Variants in DCDC2 observed in about 807,000 individuals in gnomAD.
DCDC2 encodes doublecortin domain containing 2, also known as doublecortin domain-containing protein 2.
Under a neutral mutation model 50.2 loss-of-function variants are expected in DCDC2, and 40 were observed. The ratio of observed to expected loss-of-function variants is 0.80; its 90% CI spans 0.62 to 1.04. The LOEUF (loss-of-function observed/expected upper bound fraction) is 1.04, where lower values mean the gene tolerates loss of function less well. Among genes scored for constraint, DCDC2 ranks in the 50% least tolerant of loss-of-function variants. The pLI is 0.00. For missense variants in DCDC2, 570 were observed against 581.9 expected, an observed-to-expected ratio of 0.98 and a Z score of 0.21; for synonymous variants, 234 against 210.6, an observed-to-expected ratio of 1.11 and a Z score of -0.96.
rs780101762 is a variant in DCDC2 at position 24,327,030 on chromosome 6, G to C, written c.349-24986C>G. Among the ~76,000 whole-genome samples the C allele has an allele frequency of 1.2e-4, 18 of 149,300 alleles. 1 individual carries two copies. Among genetic ancestry groups the C allele is most frequent in the African/African-American group, 4.1e-4 (17 of 41,266 alleles). On this transcript the variant is annotated intron_variant, in intron 2 of 9. Coordinates refer to ENST00000378454, the MANE Select transcript of DCDC2 (RefSeq NM_016356.5). Reference sequence around the variant, plus strand: ...ATTCCTTCAGCACAGCTCAGCACCTGGCAAATTGGAGGCAACAAATGTCTA... The same window carrying C: ...ATTCCTTCAGCACAGCTCAGCACCTCGCAAATTGGAGGCAACAAATGTCTA...
At chr6:24,294,541 T>C (rs1554117057) in intron 4 of DCDC2, among the ~76,000 whole-genome samples, 1 of 151,260 alleles carries the variant, frequency 6.6e-6, no homozygotes, top group African/African-American at 2.4e-5. Context: ...AGTTGGTTTT[T>C]AAAAAAAAAT....
chr6:24,301,215 C>T (rs988152474), intron 4 of DCDC2, among the ~76,000 whole-genome samples: 2 of 151,376 alleles, frequency 1.3e-5, no homozygotes, highest in African/African-American at 4.9e-5. Context: ...ACTAAAAATA[C>T]AAAAAATTAG....
chr6:24,227,070 C>T (rs890887980), intron 7 of DCDC2, among the ~76,000 whole-genome samples: 3 of 151,864 alleles, frequency 2.0e-5, no homozygotes, highest in African/African-American at 4.8e-5. Context: ...CTTTCTTCTC[C>T]GACTGAGAAA....
Position 24,357,528 on chromosome 6 carries a change from G to C in DCDC2, c.223C>G (p.Arg75Gly), listed in dbSNP as rs1408332749. The change falls in exon 1 of 10, where the codon CGG becomes GGG. Residue 75 changes from arginine to glycine, a missense_variant. Arg to Gly is a moderately radical substitution (Grantham distance 125, BLOSUM62 -2). Transcript: ENST00000378454. ...CCGCTCTGGATCTGGTCTAGCTTCC[G>C]GATTCGGTGGCCAGTCCGCGGGGTG... ...IYTPRTGHRIRKLDQIQSGGN... is the reference protein window; with the variant it reads ...IYTPRTGHRIGKLDQIQSGGN... The C allele has an allele frequency of 6.2e-7, 1 of 1,613,540 alleles. No individual in the cohort carries two copies. Among genetic ancestry groups the C allele is most frequent in the Admixed American group, 1.7e-5 (1 of 60,022 alleles).
intron 7 of DCDC2, among the ~76,000 whole-genome samples, chr6:24,244,690 A>G (rs987509024): frequency 6.6e-6 from 1 of 152,164 alleles, no homozygotes; most frequent in African/African-American, 2.4e-5. Context: ...TCCCTCCCCT[A>G]GAGCTTGTCA....
intron 7 of DCDC2, among the ~76,000 whole-genome samples, chr6:24,213,349 A>G (rs1232687578): frequency 1.3e-5 from 2 of 152,182 alleles, no homozygotes; most frequent in Non-Finnish European, 2.9e-5. Flanking sequence ...ATGAACTTTA[A>G]AACAAAGTGT....
Position 24,247,336 on chromosome 6 carries a change from T to C in DCDC2, c.922+30713A>G, listed in dbSNP as rs190428182. The stretch of plus-strand genomic sequence containing the variant: ...ATATATATACATATTTAACTATTTT[T>C]ATATATATATATAAAATCACAGCAA... On this transcript the variant is annotated intron_variant, in intron 7 of 9. Transcript: ENST00000378454. Among the ~76,000 whole-genome samples the C allele has an allele frequency of 2.8e-3, 372 of 132,320 alleles. 2 individuals are homozygous for C. The highest frequency in any genetic ancestry group is 0.011 in the African/African-American group (357 of 31,118). 86.8% of individuals were successfully genotyped at this position (132,320 alleles called of 152,430 possible). A position where few individuals can be genotyped will look rare whatever the true frequency, so the allele number is the denominator to read the frequency against.
intron 2 of DCDC2, among the ~76,000 whole-genome samples, chr6:24,343,050 TC>T (rs369432221): frequency 5.6e-5 from 8 of 143,660 alleles, no homozygotes; most frequent in Non-Finnish European, 1.0e-4. Flanking sequence ...TGGTAAATAT[TC>T]TTTTTTTTTT....
intron 7 of DCDC2, among the ~76,000 whole-genome samples, chr6:24,273,333 T>G (rs1464288722): frequency 6.6e-6 from 1 of 152,272 alleles, no homozygotes; most frequent in Non-Finnish European, 1.5e-5. Context: ...GGGGACAATT[T>G]ACATTATTCA....
At chr6:24,220,887 A>AGAGTGAGC (rs1466333741) in intron 7 of DCDC2, among the ~76,000 whole-genome samples, 1 of 114,844 alleles carries the variant, frequency 8.7e-6, no homozygotes, top group African/African-American at 3.7e-5. Flanking sequence ...CGAGAGCGAG[A>AGAGTGAGC]GAGTGAGCGA....
intron 8 of DCDC2, among the ~76,000 whole-genome samples, chr6:24,180,789 T>C (rs557617552): frequency 4.2e-4 from 64 of 152,232 alleles, no homozygotes; most frequent in African/African-American, 1.5e-3. Flanking sequence ...CTGACCAAAC[T>C]TTTTGTCATT....
chr6:24,232,426 G>C (rs1276222786), intron 7 of DCDC2, among the ~76,000 whole-genome samples: 1 of 152,184 alleles, frequency 6.6e-6, no homozygotes, highest in African/African-American at 2.4e-5. Context: ...AACTCAATCA[G>C]CATGTTCAGG....
intron 8 of DCDC2, among the ~76,000 whole-genome samples, chr6:24,183,601 T>A (rs1409484099): frequency 1.2e-4 from 18 of 152,068 alleles, no homozygotes. Flanking sequence ...TTTCCTTCCA[T>A]GGACTCTGCA....
At chr6:24,269,340 A>G (rs539833406) in intron 7 of DCDC2, among the ~76,000 whole-genome samples, 1 of 152,340 alleles carries the variant, frequency 6.6e-6, no homozygotes, top group Non-Finnish European at 1.5e-5. Context: ...CAATACCCAG[A>G]AGGAAAAAAT....
chr6:24,377,562 T>C, the DCDC2 span, among the ~76,000 whole-genome samples: 1 of 152,234 alleles, frequency 6.6e-6, no homozygotes, highest in African/African-American at 2.4e-5. Flanking sequence ...GTTTTATTTT[T>C]ACGTGATACT....
chr6:24,288,046 CA>C (rs561870782), intron 6 of DCDC2, among the ~76,000 whole-genome samples: 2 of 151,092 alleles, frequency 1.3e-5, no homozygotes, highest in Non-Finnish European at 3.0e-5. Context: ...ATGATATAAC[CA>C]AAAAAAAGGA....
chr6:24,353,280 C>G (rs1391349990), intron 2 of DCDC2: 1 of 498,580 alleles, frequency 2.0e-6, no homozygotes, highest in African/African-American at 1.9e-5. Context: ...TCTCACTTGA[C>G]AGGGAACCTT....
upstream of DCDC2, chr6:24,358,315 A>T (rs1467389013): frequency 5.6e-6 from 1 of 177,500 alleles, no homozygotes; most frequent in Non-Finnish European, 1.3e-5. Context: ...CTTTGCTGGA[A>T]GATAAATGTG....
the DCDC2 span, among the ~76,000 whole-genome samples, chr6:24,368,097 G>C: frequency 1.3e-5 from 2 of 151,860 alleles, no homozygotes; most frequent in Non-Finnish European, 2.9e-5. Context: ...ATTCAGATAA[G>C]TTATCCTTGC....
Sources: gnomAD v4.1 joint callset for allele counts (sites outside exome capture counted in the v4.1 genomes callset) on GRCh38, gnomAD v4.1.1 for gene constraint, MANE v1.5 for transcripts, NCBI Gene and HGNC (gene_info 2026-07-23, HGNC 2026-07-21) for gene names.